FSTL5: variants seen among roughly 807,000 people sequenced by gnomAD.
FSTL5 encodes the protein follistatin like 5.
FSTL5 carries 62 observed loss-of-function variants against 89.1 expected under a neutral mutation model. The ratio of observed to expected loss-of-function variants is 0.70; its 90% CI spans 0.57 to 0.86. FSTL5 has a LOEUF of 0.86. Among genes scored for constraint, FSTL5 ranks in the 40% least tolerant of loss-of-function variants. The pLI is 0.00. For synonymous variants in FSTL5, 383 were observed against 346.2 expected (o/e 1.11, Z -1.18); for missense variants, 1,057 against 1,001.6 (o/e 1.06, Z -0.75).
At chr4:161,766,914 A>C (rs774288150) in intron 5 of FSTL5, among the ~76,000 whole-genome samples, 269 of 14,364 alleles carry the variant, frequency 0.019, 1 homozygote, top group African/African-American at 0.041. Flanking sequence ...ATCGATTGAT[A>C]GATAGATAGA....
intron 4 of FSTL5, among the ~76,000 whole-genome samples, chr4:161,788,965 A>G (rs1265508474): frequency 1.3e-5 from 2 of 152,194 alleles, no homozygotes; most frequent in South Asian, 4.1e-4. Flanking sequence ...GAGGAAACAG[A>G]AAAACTAAGA....
intron 15 of FSTL5, among the ~76,000 whole-genome samples, chr4:161,404,900 T>C (rs147566510): frequency 4.0e-4 from 61 of 151,976 alleles, no homozygotes; most frequent in African/African-American, 1.3e-3. Flanking sequence ...AGAACAAACA[T>C]TGGAATTACA....
chr4:161,458,148 C>T (rs1733430907), intron 14 of FSTL5, among the ~76,000 whole-genome samples: 1 of 152,134 alleles, frequency 6.6e-6, no homozygotes, highest in South Asian at 2.1e-4. Flanking sequence ...CCAACTCTAG[C>T]CAAGTTATCA....
intron 4 of FSTL5, among the ~76,000 whole-genome samples, chr4:161,893,050 G>T (rs1177150620): frequency 1.3e-5 from 2 of 152,124 alleles, no homozygotes; most frequent in Non-Finnish European, 2.9e-5. Flanking sequence ...TAGTCATACA[G>T]TAAAAAAGAT....
At chr4:161,517,412 AT>A (rs572409898) in intron 10 of FSTL5, among the ~76,000 whole-genome samples, 10 of 152,198 alleles carry the variant, frequency 6.6e-5, no homozygotes, top group Non-Finnish European at 1.0e-4. Flanking sequence ...GAAATGTAAA[AT>A]TTTTTTTGAA....
intron 8 of FSTL5, among the ~76,000 whole-genome samples, chr4:161,570,451 AG>A (rs1180993429): frequency 1.3e-5 from 2 of 152,176 alleles, no homozygotes; most frequent in Non-Finnish European, 2.9e-5. Flanking sequence ...AAAGAGAAAT[AG>A]GGTAGGAAGA....
At chr4:162,111,151 T>C in intron 2 of FSTL5, 120 bp downstream of exon 2, 1 of 775,658 alleles carries the variant, frequency 1.3e-6, no homozygotes. Flanking sequence ...AAAAATAATA[T>C]GGAAACTACT....
rs755738881 is a variant in FSTL5 at position 161,720,232 on chromosome 4, G to GCGT, written c.727+39178_727+39179insACG. ...AAAAAAAAAAAAAATCCAATTAAAAGACATACAAATAGCGTACAGATACAT... is the reference window on the plus strand; with the variant it reads ...AAAAAAAAAAAAAATCCAATTAAAAGCGTACATACAAATAGCGTACAGATACAT... On this transcript the variant is annotated intron_variant, in intron 6 of 15. Coordinates refer to ENST00000306100, the MANE Select transcript of FSTL5 (RefSeq NM_020116.5). Among the ~76,000 whole-genome samples, 605 of 138,770 alleles carry GCGT rather than the reference G, an allele frequency of 4.4e-3. 1 individual carries two copies. Among genetic ancestry groups the GCGT allele is most frequent in the Non-Finnish European group, 7.7e-3 (484 of 62,848 alleles). The allele number at this position is 138,770 out of a possible 152,430, so 91.0% of individuals were successfully genotyped here. A position where few individuals can be genotyped will look rare whatever the true frequency, so the allele number is the denominator to read the frequency against.
intron 6 of FSTL5, among the ~76,000 whole-genome samples, chr4:161,705,950 GTGTATATATATATATATATA>G (rs1208423725): frequency 5.4e-5 from 1 of 18,626 alleles, no homozygotes; most frequent in African/African-American, 1.2e-4. Context: ...GTGTAGATGT[GTGTATATATATATATATATA>G]TATATATATA....
intron 3 of FSTL5, among the ~76,000 whole-genome samples, chr4:162,009,718 GATT>G (rs1736707286): frequency 6.6e-6 from 1 of 152,046 alleles, no homozygotes; most frequent in South Asian, 2.1e-4. Flanking sequence ...AGAAAATAAG[GATT>G]ATTATTTTTC....
Position 161,933,219 on chromosome 4 carries a change from G to A in FSTL5, c.161-12567C>T, listed in dbSNP as rs528725415. ...GTATTGGACATTGCTGGTCTTTGCC[G>A]GTTTTCTCTGATTATGCCTTTCAGA... On this transcript the variant is annotated intron_variant, in intron 3 of 15. Coordinates refer to ENST00000306100, the MANE Select transcript of FSTL5 (RefSeq NM_020116.5). 9.2e-5 allele frequency among the ~76,000 whole-genome samples: 14 copies of A among 152,086 alleles called. No individual in the cohort carries two copies. The East Asian group carries it at 2.5e-3, about 27-fold the overall frequency.
rs369959295 is a variant in FSTL5, at chr4:161,443,265, G to A, written c.1841+11739C>T. Among the ~76,000 whole-genome samples the A allele has an allele frequency of 7.9e-5, 12 of 152,078 alleles. No homozygotes were observed. The East Asian group carries it at 1.9e-3, about 25-fold the overall frequency. ...GCAAATTTGTCTAGGATTATGTCAA[G>A]CGCTCTCCTTCATTTGATAAGTGAA... On this transcript the variant is annotated intron_variant, in intron 15 of 15. Transcript: ENST00000306100.
chr4:161,636,224 T>A (rs1203419252), intron 7 of FSTL5, among the ~76,000 whole-genome samples: 2 of 152,258 alleles, frequency 1.3e-5, no homozygotes, highest in Non-Finnish European at 2.9e-5. Flanking sequence ...AATTATACTG[T>A]TAATGGTGTA....
chr4:161,872,634 C>T (rs1276201595), intron 4 of FSTL5, among the ~76,000 whole-genome samples: 3 of 152,142 alleles, frequency 2.0e-5, no homozygotes, highest in South Asian at 2.1e-4. Context: ...AAAGACAAAA[C>T]GTATTGAGTA....
chr4:162,024,178 T>C (rs1390353771), intron 3 of FSTL5, among the ~76,000 whole-genome samples: 2 of 152,156 alleles, frequency 1.3e-5, no homozygotes, highest in African/African-American at 2.4e-5. Context: ...TCTAAAGCAA[T>C]ACTGGAAGTT....
At chr4:161,668,401 A>G (rs1413788038) in intron 6 of FSTL5, among the ~76,000 whole-genome samples, 1 of 152,212 alleles carries the variant, frequency 6.6e-6, no homozygotes, top group Non-Finnish European at 1.5e-5. Flanking sequence ...AGAAACTATC[A>G]GGCCCAGATG....
intron 3 of FSTL5, among the ~76,000 whole-genome samples, chr4:161,960,584 T>C (rs139294240): frequency 2.0e-5 from 3 of 152,236 alleles, no homozygotes; most frequent in South Asian, 4.1e-4. Context: ...TTGCTTGTTA[T>C]GTAGAAACAT....
At chr4:161,795,322 CT>C (rs1451365257) in intron 4 of FSTL5, among the ~76,000 whole-genome samples, 1 of 152,010 alleles carries the variant, frequency 6.6e-6, no homozygotes, top group Non-Finnish European at 1.5e-5. Flanking sequence ...TAAAATGGCA[CT>C]AAATTATCTG....
At chr4:161,456,666 G>T (rs1733365763) in intron 14 of FSTL5, among the ~76,000 whole-genome samples, 1 of 152,178 alleles carries the variant, frequency 6.6e-6, no homozygotes. Flanking sequence ...CTTCCTTTGT[G>T]AATGTTTCCT....
Sources: allele counts gnomAD v4.1 joint callset (sites outside exome capture counted in the v4.1 genomes callset), GRCh38; gene constraint gnomAD v4.1.1; transcripts MANE v1.5; gene names NCBI Gene and HGNC (gene_info 2026-07-23, HGNC 2026-07-21).